The following GLRA2 variants were observed in gnomAD, a reference collection of about 807,000 sequenced individuals.
The protein encoded by GLRA2 is glycine receptor subunit alpha-2.
In GLRA2, 11 loss-of-function variants were observed where a neutral mutation model predicts 31.6. The ratio of observed to expected loss-of-function variants is 0.35; its 90% CI spans 0.22 to 0.58. GLRA2 has a LOEUF of 0.58. GLRA2 is among the 20% of genes least tolerant of loss of function. The pLI is 0.84. For missense variants in GLRA2, 212 were observed against 351.8 expected (o/e 0.60, Z 3.18); for synonymous variants, 132 against 134.0 (o/e 0.99, Z 0.10).
In GLRA2 at chrX:14,624,414, T is replaced by A. The variant is rs139423380; in HGVS notation, c.930+15209T>A. On this transcript the variant is annotated intron_variant, in intron 7 of 8. Coordinates refer to ENST00000218075, the MANE Select transcript of GLRA2 (RefSeq NM_002063.4). ...GCTAGCTTTTGAATGTGTTTGCTCT[T>A]GCTTCTCTAGTTCTTTTAATGGTGA... is the stretch of plus-strand genomic sequence containing the variant. 4.8e-3 allele frequency among the ~76,000 whole-genome samples: 539 copies of A among 111,528 alleles called. 7 individuals are homozygous for A. The highest frequency in any genetic ancestry group is 0.017 in the African/African-American group (517 of 30,687).
intron 8 of GLRA2, among the ~76,000 whole-genome samples, chrX:14,701,236 G>A (rs1464503422): frequency 9.0e-6 from 1 of 110,944 alleles, no homozygotes; most frequent in East Asian, 2.8e-4. Flanking sequence ...AGGGTCCATC[G>A]GACGTAGGGG....
At chrX:14,665,941 G>C (rs946711058) in intron 7 of GLRA2, among the ~76,000 whole-genome samples, 5 of 112,065 alleles carry the variant, frequency 4.5e-5, no homozygotes, top group Non-Finnish European at 9.4e-5. Flanking sequence ...GGTTCTTTGA[G>C]ATTGGGAAAA....
intron 6 of GLRA2, 104 bp downstream of exon 6, chrX:14,607,372 C>A: frequency 3.0e-6 from 2 of 666,658 alleles, no homozygotes; most frequent in Non-Finnish European, 4.5e-6. Context: ...ATTTACCAGG[C>A]AAATAGACCT....
intron 2 of GLRA2, among the ~76,000 whole-genome samples, chrX:14,567,144 G>A (rs1232349638): frequency 9.0e-6 from 1 of 111,416 alleles, no homozygotes; most frequent in African/African-American, 3.3e-5. Context: ...TAACAGCTAG[G>A]TTGATAGAGT....
intron 7 of GLRA2, among the ~76,000 whole-genome samples, chrX:14,673,204 T>C (rs1261649230): frequency 2.7e-5 from 3 of 111,820 alleles, no homozygotes; most frequent in Non-Finnish European, 3.8e-5. Context: ...GGTGCATTGG[T>C]GGAGAAGTTC....
chrX:14,684,999 T>G (rs889603955), intron 7 of GLRA2, among the ~76,000 whole-genome samples: 8 of 111,574 alleles, frequency 7.2e-5, no homozygotes, highest in Non-Finnish European at 1.3e-4. Flanking sequence ...CATCAATACC[T>G]AATTTATTGA....
intron 7 of GLRA2, among the ~76,000 whole-genome samples, chrX:14,664,038 T>C (rs1404010286): frequency 2.7e-5 from 3 of 111,854 alleles, no homozygotes; most frequent in Non-Finnish European, 5.7e-5. Flanking sequence ...TCAGCTAATA[T>C]TCTTTTTTAA....
intron 8 of GLRA2, among the ~76,000 whole-genome samples, chrX:14,713,703 A>G (rs2091745715): frequency 9.0e-6 from 1 of 111,478 alleles, no homozygotes; most frequent in African/African-American, 3.2e-5. Context: ...CAGAGTTTGC[A>G]TGGCCCACAA....
At chrX:14,520,570 T>C in the GLRA2 span, among the ~76,000 whole-genome samples, 1 of 112,163 alleles carries the variant, frequency 8.9e-6, no homozygotes, top group African/African-American at 3.2e-5. Flanking sequence ...TAAGCAGAAC[T>C]CCAGTCCTAA....
intron 7 of GLRA2, among the ~76,000 whole-genome samples, chrX:14,629,411 TA>T (rs1417302504): frequency 9.0e-6 from 1 of 111,584 alleles, no homozygotes. Context: ...TGTGATTCAG[TA>T]GTGCCCATCT....
At chrX:14,716,310 G>A (rs2091784158) in intron 8 of GLRA2, among the ~76,000 whole-genome samples, 1 of 111,401 alleles carries the variant, frequency 9.0e-6, no homozygotes, top group Non-Finnish European at 1.9e-5. Context: ...AAAAAAAATT[G>A]AGGGACTGTC....
At chrX:14,681,953 ATATATG>A (rs1365067772) in intron 7 of GLRA2, among the ~76,000 whole-genome samples, 2 of 87,108 alleles carry the variant, frequency 2.3e-5, no homozygotes, top group Non-Finnish European at 4.5e-5. Flanking sequence ...GTGTGTGTCT[ATATATG>A]TATATTTATG....
At chrX:14,539,232 G>A (rs1164765642) in intron 2 of GLRA2, among the ~76,000 whole-genome samples, 2 of 111,108 alleles carry the variant, frequency 1.8e-5, no homozygotes, top group Non-Finnish European at 3.8e-5. Flanking sequence ...TTTTCTTGGT[G>A]TGTTGCTCAG....
the GLRA2 span, among the ~76,000 whole-genome samples, chrX:14,452,167 G>A: frequency 0.024 from 2,716 of 112,142 alleles, 105 homozygotes; most frequent in African/African-American, 0.084. Context: ...TAAAGTCAAA[G>A]CTTACATTTT....
At chrX:14,510,510 G>A in the GLRA2 span, among the ~76,000 whole-genome samples, 1 of 111,046 alleles carries the variant, frequency 9.0e-6, no homozygotes, top group Non-Finnish European at 1.9e-5. Context: ...AGGGACAAAG[G>A]GGGAAAACAG....
chrX:14,614,597 C>G (rs1344232614), intron 7 of GLRA2, among the ~76,000 whole-genome samples: 1 of 112,074 alleles, frequency 8.9e-6, no homozygotes, highest in Non-Finnish European at 1.9e-5. Context: ...TAACCAACTG[C>G]TAATCTTTCT....
At chrX:14,635,947 C>T (rs1308305488) in intron 7 of GLRA2, among the ~76,000 whole-genome samples, 1 of 111,081 alleles carries the variant, frequency 9.0e-6, no homozygotes, top group Non-Finnish European at 1.9e-5. Flanking sequence ...CCTGGACCAA[C>T]TGAGATTGGG....
the GLRA2 span, among the ~76,000 whole-genome samples, chrX:14,452,857 TA>T: frequency 8.9e-6 from 1 of 112,101 alleles, no homozygotes; most frequent in African/African-American, 3.2e-5. Flanking sequence ...ACCTCCCTTT[TA>T]AAAAGCCTAT....
At chrX:14,508,018 C>CT in the GLRA2 span, among the ~76,000 whole-genome samples, 4 of 111,142 alleles carry the variant, frequency 3.6e-5, no homozygotes, top group African/African-American at 9.8e-5. Context: ...ATGACTTCTC[C>CT]TTTTTTTGCT....
Sources: allele counts gnomAD v4.1 joint callset (sites outside exome capture counted in the v4.1 genomes callset), GRCh38; gene constraint gnomAD v4.1.1; transcripts MANE v1.5; gene names NCBI Gene and HGNC (gene_info 2026-07-23, HGNC 2026-07-21).